The following NAALADL2 variants were observed in gnomAD, a reference collection of about 807,000 sequenced individuals.
NAALADL2 encodes the protein inactive N-acetylated-alpha-linked acidic dipeptidase-like protein 2.
In NAALADL2, 76 loss-of-function variants were observed where a neutral mutation model predicts 87.2. The ratio of observed to expected loss-of-function variants is 0.87; its 90% CI spans 0.72 to 1.05. NAALADL2 has a LOEUF of 1.05. Among genes scored for constraint, NAALADL2 ranks in the 50% least tolerant of loss-of-function variants. The pLI is 0.00. For synonymous variants in NAALADL2, 354 were observed against 331.0 expected (o/e 1.07, Z -0.75); for missense variants, 1,089 against 945.8 (o/e 1.15, Z -1.99).
chr3:175,736,595 AC>A (rs748850514), intron 11 of NAALADL2, among the ~76,000 whole-genome samples: 1 of 152,252 alleles, frequency 6.6e-6, no homozygotes, highest in Non-Finnish European at 1.5e-5. Flanking sequence ...GGTTATAATC[AC>A]TGGCTACAGA....
chr3:175,233,928 C>A lies in NAALADL2; in HGVS notation c.546-3C>A. ...AAAAGTTTTCTTTTCAAATTTATTT[C>A]AGAAATTTGGTACAACTATATAAAA... On this transcript the variant is annotated splice_region_variant and splice_polypyrimidine_tract_variant and intron_variant, in intron 2 of 13. Transcript: ENST00000454872. 1 of 1,532,402 alleles carries A rather than the reference C, an allele frequency of 6.5e-7. No homozygotes were observed. Among genetic ancestry groups the A allele is most frequent in the Non-Finnish European group, 8.9e-7 (1 of 1,122,804 alleles). The allele number at this position is 1,532,402 out of a possible 1,614,324, so 94.9% of individuals were successfully genotyped here. A position where few individuals can be genotyped will look rare whatever the true frequency, so the allele number is the denominator to read the frequency against.
chr3:175,297,347 T>C (rs1756515438), intron 4 of NAALADL2, among the ~76,000 whole-genome samples: 2 of 152,186 alleles, frequency 1.3e-5, no homozygotes, highest in Admixed American at 6.5e-5. Flanking sequence ...CAGAATAAAA[T>C]TCCAAAACAT....
intron 2 of NAALADL2, among the ~76,000 whole-genome samples, chr3:174,657,782 A>G (rs960227458): frequency 3.3e-5 from 5 of 151,894 alleles, no homozygotes; most frequent in Non-Finnish European, 7.4e-5. Context: ...GTTCTTGCCT[A>G]TTCATTTCCC....
At chr3:175,232,461 C>T (rs1348325951) in intron 2 of NAALADL2, among the ~76,000 whole-genome samples, 1 of 152,132 alleles carries the variant, frequency 6.6e-6, no homozygotes, top group African/African-American at 2.4e-5. Context: ...TGTACTGTTG[C>T]AGGGGTGTCC....
At chr3:175,241,617 A>G (rs986901113) in intron 3 of NAALADL2, among the ~76,000 whole-genome samples, 2 of 152,202 alleles carry the variant, frequency 1.3e-5, no homozygotes, top group South Asian at 4.1e-4. Flanking sequence ...AAATTTAGAC[A>G]GGACCATTTA....
At chr3:174,608,969 T>C in intron 2 of NAALADL2, among the ~76,000 whole-genome samples, 2 of 151,184 alleles carry the variant, frequency 1.3e-5, no homozygotes, top group Non-Finnish European at 3.0e-5. Flanking sequence ...TCCACCATGA[T>C]CAAGTGGGCT....
At chr3:175,099,557 G>T (rs531315410) in intron 2 of NAALADL2, among the ~76,000 whole-genome samples, 4 of 152,224 alleles carry the variant, frequency 2.6e-5, no homozygotes, top group African/African-American at 9.6e-5. Flanking sequence ...GTCATTATGA[G>T]TCTGTGTTTA....
At chr3:175,110,938 A>G (rs988437807) in intron 2 of NAALADL2, among the ~76,000 whole-genome samples, 1 of 151,746 alleles carries the variant, frequency 6.6e-6, no homozygotes, top group Non-Finnish European at 1.5e-5. Context: ...TGATGGTTCC[A>G]GAGGGTTCCT....
chr3:175,049,940 A>T (rs1292343326), intron 1 of NAALADL2, among the ~76,000 whole-genome samples: 2 of 152,196 alleles, frequency 1.3e-5, no homozygotes, highest in Non-Finnish European at 2.9e-5. Flanking sequence ...GAAAAAAATA[A>T]TAATCCCCAG....
intron 1 of NAALADL2, among the ~76,000 whole-genome samples, chr3:174,925,312 A>C (rs891217841): frequency 5.3e-5 from 8 of 152,150 alleles, no homozygotes; most frequent in African/African-American, 1.7e-4. Context: ...TCCCAGCACC[A>C]TTTATTAAAA....
At chr3:175,792,864 G>A (rs1303422049) in intron 13 of NAALADL2, among the ~76,000 whole-genome samples, 1 of 151,994 alleles carries the variant, frequency 6.6e-6, no homozygotes, top group Non-Finnish European at 1.5e-5. Flanking sequence ...ATTTCCTCCT[G>A]GTGGGGTAAA....
chr3:175,194,506 A>G (rs7632203), intron 2 of NAALADL2, among the ~76,000 whole-genome samples: 2 of 151,770 alleles, frequency 1.3e-5, no homozygotes, highest in African/African-American at 2.4e-5. Context: ...AAGGTAGGCT[A>G]TATGGAAACA....
At chr3:174,586,642 G>A (rs1036398116) in intron 2 of NAALADL2, among the ~76,000 whole-genome samples, 1 of 152,062 alleles carries the variant, frequency 6.6e-6, no homozygotes, top group Admixed American at 6.6e-5. Context: ...CATTTAACCC[G>A]AACATTCTGT....
chr3:175,358,765 C>T (rs1023908003), intron 5 of NAALADL2, among the ~76,000 whole-genome samples: 1 of 152,098 alleles, frequency 6.6e-6, no homozygotes, highest in African/African-American at 2.4e-5. Flanking sequence ...TGATTGCCAC[C>T]ATTCTAAATA....
At chr3:174,680,458 G>A (rs1727432759) in intron 2 of NAALADL2, among the ~76,000 whole-genome samples, 1 of 152,042 alleles carries the variant, frequency 6.6e-6, no homozygotes, top group Non-Finnish European at 1.5e-5. Flanking sequence ...ACATAGAATG[G>A]CACTACTTTA....
At chr3:174,728,420 C>G (rs1172536872) in intron 2 of NAALADL2, among the ~76,000 whole-genome samples, 2 of 152,008 alleles carry the variant, frequency 1.3e-5, no homozygotes, top group Non-Finnish European at 2.9e-5. Flanking sequence ...CATTGAGAAG[C>G]TGGAAATTAT....
At chr3:175,581,099 A>G (rs1340757591) in intron 10 of NAALADL2, 2 of 318,332 alleles carry the variant, frequency 6.3e-6, no homozygotes, top group South Asian at 5.4e-5. Context: ...AGACAAAAAT[A>G]TAAATGAGAA....
At chr3:175,278,883 G>A (rs370237773) in intron 4 of NAALADL2, among the ~76,000 whole-genome samples, 29 of 152,154 alleles carry the variant, frequency 1.9e-4, no homozygotes, top group African/African-American at 6.5e-4. Flanking sequence ...TGTATCCAGG[G>A]AAACTTATGA....
chr3:175,731,501 A>G (rs1247818887), intron 11 of NAALADL2, among the ~76,000 whole-genome samples: 1 of 152,192 alleles, frequency 6.6e-6, no homozygotes, highest in East Asian at 1.9e-4. Flanking sequence ...GGTATAAAGT[A>G]CTTTGAAAAG....
Sources: allele counts gnomAD v4.1 joint callset (sites outside exome capture counted in the v4.1 genomes callset), GRCh38; gene constraint gnomAD v4.1.1; transcripts MANE v1.5; gene names NCBI Gene and HGNC (gene_info 2026-07-23, HGNC 2026-07-21).